Variants in MALRD1 observed in about 807,000 individuals in gnomAD.
MALRD1 encodes MAM and LDL-receptor class A domain-containing protein 1.
Under a neutral mutation model 242.1 loss-of-function variants are expected in MALRD1, and 247 were observed. The ratio of observed to expected loss-of-function variants is 1.02; its 90% CI spans 0.92 to 1.13. MALRD1 has a LOEUF of 1.13. Ranked by LOEUF, MALRD1 falls within the 50% of genes most tolerant of loss-of-function variation. The pLI is 0.00. For synonymous variants in MALRD1, 995 were observed against 866.6 expected (o/e 1.15, Z -2.60); for missense variants, 2,989 against 2,533.1 (o/e 1.18, Z -3.86).
intron 12 of MALRD1, among the ~76,000 whole-genome samples, chr10:19,157,935 A>C (rs549722649): frequency 1.3e-5 from 2 of 152,344 alleles, no homozygotes; most frequent in South Asian, 4.1e-4. Flanking sequence ...TGGCCAACAC[A>C]TGGCATCAGC....
At chr10:19,176,629 C>T (rs1835262052) in intron 14 of MALRD1, among the ~76,000 whole-genome samples, 1 of 151,878 alleles carries the variant, frequency 6.6e-6, no homozygotes, top group Non-Finnish European at 1.5e-5. Context: ...CCGCCTCGGC[C>T]TCCCAAAGTG....
chr10:19,160,748 G>A lies in MALRD1; in HGVS notation c.1657-4889G>A, dbSNP rs566627536. On this transcript the variant is annotated intron_variant, in intron 12 of 39. Transcript: ENST00000454679. ...CTTCTAGATTTTCTAGTTTATTTGC[G>A]TAGAGGTGTTTGTAGTATTCTCTGA... is the stretch of plus-strand genomic sequence containing the variant. Among the ~76,000 whole-genome samples, 567 of 92,830 alleles carry A rather than the reference G, an allele frequency of 6.1e-3. 3 individuals carry two copies. The highest frequency in any genetic ancestry group is 0.024 in the African/African-American group (532 of 22,360). 60.9% of individuals were successfully genotyped at this position (92,830 alleles called of 152,430 possible).
At chr10:19,306,732 G>C (rs1842226006) in intron 21 of MALRD1, among the ~76,000 whole-genome samples, 1 of 151,344 alleles carries the variant, frequency 6.6e-6, no homozygotes, top group African/African-American at 2.4e-5. Context: ...CATGGCTTGA[G>C]AGGCCTCAGG....
At chr10:19,459,714 TA>T (rs1835838568) in intron 29 of MALRD1, among the ~76,000 whole-genome samples, 1 of 151,850 alleles carries the variant, frequency 6.6e-6, no homozygotes, top group East Asian at 1.9e-4. Flanking sequence ...TATCTCTCAA[TA>T]AAATTAAGAG....
chr10:19,050,313 T>G (rs916412626), intron 1 of MALRD1, among the ~76,000 whole-genome samples: 177 of 151,176 alleles, frequency 1.2e-3, no homozygotes, highest in Admixed American at 3.4e-3. Context: ...GGTCTCGATC[T>G]CCTGACCTCG....
intron 31 of MALRD1, among the ~76,000 whole-genome samples, chr10:19,510,405 T>A (rs1338598892): frequency 6.6e-6 from 1 of 152,200 alleles, no homozygotes; most frequent in Non-Finnish European, 1.5e-5. Flanking sequence ...TATTTCAGAC[T>A]ATCACATGGG....
At chr10:19,504,618 C>T (rs1043057337) in intron 31 of MALRD1, among the ~76,000 whole-genome samples, 3 of 150,644 alleles carry the variant, frequency 2.0e-5, no homozygotes, top group Non-Finnish European at 3.0e-5. Flanking sequence ...CATACACAGA[C>T]ACACACACAC....
At chr10:19,079,006 A>G (rs903509057) in intron 2 of MALRD1, among the ~76,000 whole-genome samples, 5 of 150,070 alleles carry the variant, frequency 3.3e-5, no homozygotes, top group Non-Finnish European at 5.9e-5. Context: ...TTTCTATTTT[A>G]TTTATTTCTT....
chr10:19,180,792 C>T (rs1393083556), intron 14 of MALRD1, among the ~76,000 whole-genome samples: 5 of 151,956 alleles, frequency 3.3e-5, no homozygotes, highest in East Asian at 3.9e-4. Context: ...ACCTGCATAT[C>T]GGGAAAAATA....
chr10:19,274,650 G>A (rs1840415493), intron 19 of MALRD1, among the ~76,000 whole-genome samples: 1 of 152,120 alleles, frequency 6.6e-6, no homozygotes, highest in Non-Finnish European at 1.5e-5. Context: ...TGTGTAATGT[G>A]TTATAGCAGC....
chr10:19,703,037 T>C (rs1172333493), intron 38 of MALRD1, among the ~76,000 whole-genome samples: 1 of 152,184 alleles, frequency 6.6e-6, no homozygotes, highest in Non-Finnish European at 1.5e-5. Context: ...ATACATTCTG[T>C]GACTCTTCTT....
chr10:19,257,864 C>A, intron 19 of MALRD1, 93 bp downstream of exon 19: 2 of 877,526 alleles, frequency 2.3e-6, no homozygotes, highest in Non-Finnish European at 1.7e-6. Flanking sequence ...ACAAAATTTC[C>A]AATATGACCT....
chr10:19,715,990 C>A (rs1834367778), intron 38 of MALRD1, among the ~76,000 whole-genome samples: 1 of 151,724 alleles, frequency 6.6e-6, no homozygotes, highest in Admixed American at 6.5e-5. Flanking sequence ...CACATTTCAA[C>A]AGTAGGCCCA....
chr10:19,688,635 A>G (rs578161087), intron 36 of MALRD1, among the ~76,000 whole-genome samples: 1 of 152,304 alleles, frequency 6.6e-6, no homozygotes, highest in Non-Finnish European at 1.5e-5. Flanking sequence ...TAGTGCAGAC[A>G]GGATTTTCTG....
At chr10:19,727,382 A>G (rs1835080113) in intron 38 of MALRD1, among the ~76,000 whole-genome samples, 1 of 152,182 alleles carries the variant, frequency 6.6e-6, no homozygotes. Context: ...GTCAGTTAAT[A>G]AGTGAATTCC....
At position 19,336,538 on chromosome 10, in the gene MALRD1, G is replaced by C. The variant is rs1588930318; in HGVS notation, c.3901+4956G>C. On this transcript the variant is annotated intron_variant, in intron 24 of 39. Coordinates refer to ENST00000454679, the MANE Select transcript of MALRD1 (RefSeq NM_001142308.3). ...AAGTAGTAATTTTTGATGGGTTAAA[G>C]TCACCTAGGGTATACCTTCTGAATT... Among the ~76,000 whole-genome samples, 5 of 152,258 alleles carry C rather than the reference G, an allele frequency of 3.3e-5. No individual in the cohort carries two copies. The South Asian group carries it at 1.0e-3, about 32-fold the overall frequency.
intron 28 of MALRD1, among the ~76,000 whole-genome samples, chr10:19,423,016 T>C (rs1457817526): frequency 6.6e-6 from 1 of 152,172 alleles, no homozygotes. Flanking sequence ...GTGCTCACCA[T>C]AGATTTATGG....
intron 36 of MALRD1, among the ~76,000 whole-genome samples, chr10:19,670,708 T>A (rs903369686): frequency 6.6e-6 from 1 of 152,192 alleles, no homozygotes; most frequent in African/African-American, 2.4e-5. Flanking sequence ...CTTATATCTT[T>A]GCATATTGTC....
intron 19 of MALRD1, among the ~76,000 whole-genome samples, chr10:19,277,802 C>T (rs982408081): frequency 1.2e-4 from 19 of 152,178 alleles, no homozygotes; most frequent in Non-Finnish European, 8.8e-5. Flanking sequence ...TCCCCAGATT[C>T]CCAACAGCAT....
Sources: allele counts gnomAD v4.1 joint callset (sites outside exome capture counted in the v4.1 genomes callset), GRCh38; gene constraint gnomAD v4.1.1; transcripts MANE v1.5; gene names NCBI Gene and HGNC (gene_info 2026-07-23, HGNC 2026-07-21).